RASSF3: variants seen among roughly 807,000 people sequenced by gnomAD.
RASSF3 encodes ras association domain-containing protein 3.
RASSF3 carries 19 observed loss-of-function variants against 19.9 expected under a neutral mutation model. The observed-to-expected ratio is 0.96, with a 90% CI of 0.67 to 1.40. The LOEUF is 1.40. RASSF3 is among the 40% of genes most tolerant of loss of function. RASSF3 has a pLI of 0.00. For missense variants in RASSF3, 306 were observed against 289.8 expected, an observed-to-expected ratio of 1.06 and a Z score of -0.41; for synonymous variants, 110 against 104.2, an observed-to-expected ratio of 1.06 and a Z score of -0.34.
chr12:64,575,545 C>G (rs988625988), intron 2 of RASSF3: 1 of 152,054 alleles, frequency 6.6e-6, no homozygotes, highest in Non-Finnish European at 1.5e-5. Flanking sequence ...GCCCGGGCAA[C>G]CTCACCTCTG....
chr12:64,571,457 G>C (rs1257740659), intron 2 of RASSF3, among the ~76,000 whole-genome samples: 8 of 152,178 alleles, frequency 5.3e-5, no homozygotes, highest in Non-Finnish European at 5.9e-5. Context: ...GCCTTGTTAT[G>C]ACCTGGCAGC....
intron 2 of RASSF3, among the ~76,000 whole-genome samples, chr12:64,601,470 T>C (rs1433964783): frequency 1.3e-5 from 2 of 152,200 alleles, no homozygotes; most frequent in Non-Finnish European, 2.9e-5. Context: ...AAGATCCTCA[T>C]AGTATTAAAA....
At chr12:64,517,256 G>A (rs1868384111) in intron 1 of RASSF3, among the ~76,000 whole-genome samples, 1 of 151,684 alleles carries the variant, frequency 6.6e-6, no homozygotes, top group Non-Finnish European at 1.5e-5. Flanking sequence ...TACATAGAAA[G>A]GTATCCTTTG....
At chr12:64,626,506 GAAAAA>G (rs891394836) in intron 1 of RASSF3, among the ~76,000 whole-genome samples, 79 of 136,166 alleles carry the variant, frequency 5.8e-4, no homozygotes, top group Non-Finnish European at 2.4e-4. Context: ...AAAAAAAAAA[GAAAAA>G]AAAAGAAAAA....
intron 1 of RASSF3, among the ~76,000 whole-genome samples, chr12:64,626,565 T>A (rs1871005133): frequency 6.6e-6 from 1 of 152,020 alleles, no homozygotes; most frequent in Admixed American, 6.6e-5. Flanking sequence ...TTTATTTTAT[T>A]TTTTGTTTTT....
intron 2 of RASSF3, among the ~76,000 whole-genome samples, chr12:64,594,256 C>T (rs1869966239): frequency 6.6e-6 from 1 of 151,956 alleles, no homozygotes; most frequent in South Asian, 2.1e-4. Context: ...ATTGCTTGAG[C>T]CCAGGAGGTC....
At chr12:64,668,092 A>T (rs1592457265) in intron 1 of RASSF3, among the ~76,000 whole-genome samples, 2 of 152,232 alleles carry the variant, frequency 1.3e-5, no homozygotes, top group East Asian at 1.9e-4. Context: ...TCATTTCTGC[A>T]TCTATACCAT....
At chr12:64,513,441 A>G (rs1336400010) in intron 1 of RASSF3, among the ~76,000 whole-genome samples, 2 of 138,966 alleles carry the variant, frequency 1.4e-5, no homozygotes, top group East Asian at 4.2e-4. Context: ...CAAGAGCAGA[A>G]CTCCATCTCA....
chr12:64,555,825 T>A (rs1187688903), intron 2 of RASSF3, among the ~76,000 whole-genome samples: 1 of 149,610 alleles, frequency 6.7e-6, no homozygotes, highest in Non-Finnish European at 1.5e-5. Context: ...GAGGCCAAGG[T>A]AGGAGGATCA....
intron 1 of RASSF3, among the ~76,000 whole-genome samples, chr12:64,514,158 A>T (rs1218430728): frequency 1.0e-4 from 13 of 128,858 alleles, no homozygotes; most frequent in African/African-American, 3.5e-4. Flanking sequence ...AAGTGCTGGG[A>T]TTACAGGCAT....
intron 1 of RASSF3, among the ~76,000 whole-genome samples, chr12:64,653,220 C>T (rs1206922824): frequency 1.3e-5 from 2 of 152,040 alleles, no homozygotes; most frequent in Admixed American, 6.6e-5. Context: ...TAGGCATGTG[C>T]CACCAGGCCT....
chr12:64,549,486 T>G (rs901827507), intron 2 of RASSF3, among the ~76,000 whole-genome samples: 2 of 152,206 alleles, frequency 1.3e-5, no homozygotes, highest in African/African-American at 4.8e-5. Context: ...CAGCAATTAC[T>G]AGATTCAATG....
chr12:64,571,096 T>C (rs1294875346), intron 2 of RASSF3, among the ~76,000 whole-genome samples: 1 of 151,952 alleles, frequency 6.6e-6, no homozygotes, highest in Non-Finnish European at 1.5e-5. Context: ...CGGGCGCCTG[T>C]AATCCAGCTA....
chr12:64,587,295 A>G (rs1869829520), intron 2 of RASSF3, among the ~76,000 whole-genome samples: 1 of 151,856 alleles, frequency 6.6e-6, no homozygotes, highest in African/African-American at 2.4e-5. Context: ...AACCTCAGGC[A>G]ATCCACCTGC....
intron 1 of RASSF3, among the ~76,000 whole-genome samples, chr12:64,617,064 A>T (rs1326901923): frequency 6.6e-6 from 1 of 152,244 alleles, no homozygotes; most frequent in East Asian, 1.9e-4. Flanking sequence ...GTGCTTGAAC[A>T]AATGAAAGCC....
At chr12:64,565,644 CGGA>C (rs1565840290) in intron 2 of RASSF3, among the ~76,000 whole-genome samples, 2 of 152,070 alleles carry the variant, frequency 1.3e-5, no homozygotes. Flanking sequence ...ACCTGGGAGG[CGGA>C]GGTTGCAGTG....
intron 1 of RASSF3, among the ~76,000 whole-genome samples, chr12:64,681,246 T>G (rs1873115578): frequency 6.6e-6 from 1 of 152,214 alleles, no homozygotes. Context: ...CCATTTCCTG[T>G]GTATTTAATG....
intron 1 of RASSF3, among the ~76,000 whole-genome samples, chr12:64,641,077 A>C (rs1871500551): frequency 6.6e-6 from 1 of 152,014 alleles, no homozygotes; most frequent in South Asian, 2.1e-4. Context: ...CATCGTTTGG[A>C]TCGTTTCCAT....
intron 2 of RASSF3, among the ~76,000 whole-genome samples, chr12:64,593,007 T>G (rs1293286587): frequency 6.6e-6 from 1 of 151,882 alleles, no homozygotes; most frequent in Non-Finnish European, 1.5e-5. Flanking sequence ...TATGAAAAAA[T>G]TTGCAAGTAC....
Sources: allele counts gnomAD v4.1 joint callset (sites outside exome capture counted in the v4.1 genomes callset), GRCh38; gene constraint gnomAD v4.1.1; transcripts MANE v1.5; gene names NCBI Gene and HGNC (gene_info 2026-07-23, HGNC 2026-07-21).